Variants in ACP7 observed in about 807,000 individuals in gnomAD.
ACP7 encodes acid phosphatase 7, tartrate resistant (putative), also known as acid phosphatase type 7.
ACP7 carries 58 observed loss-of-function variants against 60.6 expected under a neutral mutation model. The ratio of observed to expected loss-of-function variants is 0.96; its 90% CI spans 0.77 to 1.19. ACP7 has a LOEUF of 1.19. Among genes scored for constraint, ACP7 ranks in the 50% most tolerant of loss-of-function variants. The probability of loss-of-function intolerance (pLI) is 0.00; values close to 1 mark genes in which losing one functional copy is unlikely to be tolerated. For synonymous variants in ACP7, 237 were observed against 232.6 expected, an observed-to-expected ratio of 1.02 and a Z score of -0.17; for missense variants, 574 against 596.2, an observed-to-expected ratio of 0.96 and a Z score of 0.39.
intron 11 of ACP7, among the ~76,000 whole-genome samples, chr19:39,105,204 C>T (rs183126569): frequency 6.0e-5 from 9 of 151,182 alleles, no homozygotes; most frequent in Admixed American, 2.0e-4. Flanking sequence ...TTAGTAGAGA[C>T]GGGGGTTTCA....
rs747137327 is a variant in ACP7, at chr19:39,098,483, T to G, written c.147T>G (p.Thr49=). ...GTGAGCCAGGCTCCATGACTGTAAC[T>G]TGGACCACATGGGTCCCAACCCGCT... is the stretch of plus-strand genomic sequence containing the variant. ...YPGEPGSMTV[T]WTTWVPTRSE... Residue 49 remains threonine (T), a synonymous_variant, in exon 3 of 13, where the codon ACT becomes ACG. Coordinates refer to ENST00000331256, the MANE Select transcript of ACP7 (RefSeq NM_001004318.3). 1 of 1,567,392 alleles carries G rather than the reference T, an allele frequency of 6.4e-7. No individual in the cohort carries two copies. Among genetic ancestry groups the G allele is most frequent in the Non-Finnish European group, 8.7e-7 (1 of 1,154,108 alleles).
intron 4 of ACP7, among the ~76,000 whole-genome samples, chr19:39,099,805 C>T (rs571736062): frequency 1.4e-3 from 216 of 151,616 alleles, no homozygotes; most frequent in African/African-American, 5.0e-3. Flanking sequence ...CCAGCCCAGC[C>T]AACATGGTGA....
At position 39,107,001 on chromosome 19, in the gene ACP7, G is replaced by A. The variant is rs546523874; in HGVS notation, c.1168G>A (p.Val390Met). 3.8e-5 allele frequency: 61 copies of A among 1,613,952 alleles called. 1 individual carries two copies. The highest frequency in any genetic ancestry group is 1.2e-4 in the South Asian group (11 of 91,084). ...TGTCTTCCCGAGGCCCTGGAGTGCCGTGCGTGTGAAGGAGTACGGGTATAC... is the reference window on the plus strand; with the variant it reads ...TGTCTTCCCGAGGCCCTGGAGTGCCATGCGTGTGAAGGAGTACGGGTATAC... ...FAVFPRPWSA[V>M]RVKEYGYTRL... Residue 390 changes from valine to methionine, a missense_variant, in exon 12 of 13, where the codon GTG (valine) becomes ATG (methionine). By Grantham distance (21) the Val-to-Met change is conservative (BLOSUM62 1). Coordinates refer to ENST00000331256, the MANE Select transcript of ACP7 (RefSeq NM_001004318.3).
At chr19:39,104,700 A>G (rs1490220478) in intron 11 of ACP7, among the ~76,000 whole-genome samples, 1 of 152,158 alleles carries the variant, frequency 6.6e-6, no homozygotes, top group Non-Finnish European at 1.5e-5. Context: ...CCTGCCCAAC[A>G]TGGCAAAACC....
intron 10 of ACP7, 33 bp downstream of exon 10, chr19:39,101,388 G>A (rs775602767): frequency 1.2e-6 from 2 of 1,614,072 alleles, no homozygotes; most frequent in Non-Finnish European, 1.7e-6. Flanking sequence ...CGCCCACACA[G>A]CTGGGGTCAG....
chr19:39,098,645 A>T lies in ACP7; in HGVS notation c.309A>T (p.Pro103=). The change falls in exon 3 of 13, where the codon CCA becomes CCT. Residue 103 remains proline, a synonymous_variant. Coordinates refer to ENST00000331256, the MANE Select transcript of ACP7 (RefSeq NM_001004318.3). ...GAGTCACGCTTCGCAAGCTGCTGCC[A>T]GGGGTTCAGTATGGTGAGAGGGGCC... ...IHRVTLRKLL[P]GVQYVYRCGS... The T allele has an allele frequency of 1.2e-6, 2 of 1,611,866 alleles. No homozygotes were observed. The highest frequency in any genetic ancestry group is 1.7e-6 in the Non-Finnish European group (2 of 1,178,874).
At chr19:39,096,512 C>T (rs1472467914) in intron 2 of ACP7, among the ~76,000 whole-genome samples, 1 of 152,214 alleles carries the variant, frequency 6.6e-6, no homozygotes, top group African/African-American at 2.4e-5. Flanking sequence ...CAACAAGTCT[C>T]TAGGAAGTTC....
Position 39,110,211 on chromosome 19 carries a change from G to T in ACP7, c.*93G>T. Reference sequence around the variant, plus strand: ...CAGGCCTGGGTGGGGAGTTGGGTGGGCCCTGACTCCCCTGCCCTCCAGAGG... The same window carrying T: ...CAGGCCTGGGTGGGGAGTTGGGTGGTCCCTGACTCCCCTGCCCTCCAGAGG... On this transcript the variant is annotated 3_prime_UTR_variant, in exon 13 of 13. Transcript: ENST00000331256. The T allele has an allele frequency of 4.1e-6, 5 of 1,219,034 alleles. No individual in the cohort carries two copies. The highest frequency in any genetic ancestry group is 6.0e-6 in the Non-Finnish European group (5 of 838,508). The allele number at this position is 1,219,034 out of a possible 1,614,324, so 75.5% of individuals were successfully genotyped here.
At chr19:39,103,101 G>A (rs979891812) in intron 11 of ACP7, among the ~76,000 whole-genome samples, 15 of 152,112 alleles carry the variant, frequency 9.9e-5, no homozygotes, top group African/African-American at 3.6e-4. Context: ...GCCTCCCAAA[G>A]TGCTGGGATT....
intron 2 of ACP7, among the ~76,000 whole-genome samples, chr19:39,092,771 CTTTTTTTTTT>C (rs67888880): frequency 1.7e-5 from 2 of 114,650 alleles, no homozygotes; most frequent in African/African-American, 6.2e-5. Context: ...TCCCATTCCT[CTTTTTTTTTT>C]TTTTTTTTTT....
intron 11 of ACP7, among the ~76,000 whole-genome samples, chr19:39,102,263 G>C (rs1457358009): frequency 6.6e-6 from 1 of 152,028 alleles, no homozygotes; most frequent in Non-Finnish European, 1.5e-5. Flanking sequence ...AGGCTACAAT[G>C]AGTTATGATC....
chr19:39,099,531 A>AT (rs1279613404), intron 4 of ACP7, among the ~76,000 whole-genome samples: 6 of 151,970 alleles, frequency 3.9e-5, no homozygotes, highest in African/African-American at 1.2e-4. Flanking sequence ...TGCTGTTGTT[A>AT]TTTAAGAGGG....
Position 39,110,099 on chromosome 19 carries a change from G to C in ACP7, c.1298G>C (p.Gly433Ala). Residue 433 changes from glycine (G) to alanine (A), a missense_variant, in exon 13 of 13, where the codon GGC becomes GCC. By Grantham distance (60) the Gly-to-Ala change is moderately conservative (BLOSUM62 0). Coordinates refer to ENST00000331256, the MANE Select transcript of ACP7 (RefSeq NM_001004318.3). ...DDVWVVRPLF[G>A]RRMYL ...GTCTGGGTGGTGAGACCCCTGTTTG[G>C]CCGGAGGATGTACCTCTAGGGATGG... 6.2e-7 allele frequency: 1 copy of C among 1,613,900 alleles called. No individual in the cohort carries two copies. The highest frequency in any genetic ancestry group is 8.5e-7 in the Non-Finnish European group (1 of 1,179,776).
At chr19:39,093,362 C>T (rs1335215388) in intron 2 of ACP7, among the ~76,000 whole-genome samples, 1 of 151,736 alleles carries the variant, frequency 6.6e-6, no homozygotes, top group African/African-American at 2.4e-5. Flanking sequence ...TCAAGTGATT[C>T]TCCTGCCTCA....
At chr19:39,094,092 A>C (rs2073239788) in intron 2 of ACP7, among the ~76,000 whole-genome samples, 1 of 152,176 alleles carries the variant, frequency 6.6e-6, no homozygotes, top group South Asian at 2.1e-4. Context: ...ACCACACGGT[A>C]TTTTTAAAAC....
intron 2 of ACP7, among the ~76,000 whole-genome samples, chr19:39,090,020 T>C (rs1260861360): frequency 6.6e-6 from 1 of 152,182 alleles, no homozygotes; most frequent in East Asian, 1.9e-4. Flanking sequence ...TTCTCCTCAA[T>C]GTTTGCTCAC....
intron 2 of ACP7, among the ~76,000 whole-genome samples, chr19:39,090,181 G>T (rs557745510): frequency 2.0e-5 from 3 of 150,594 alleles, no homozygotes; most frequent in South Asian, 4.2e-4. Context: ...GTTTTGTTTT[G>T]TTTTTGAGAC....
At chr19:39,102,299 A>G (rs919455707) in intron 11 of ACP7, among the ~76,000 whole-genome samples, 1 of 152,104 alleles carries the variant, frequency 6.6e-6, no homozygotes, top group Admixed American at 6.6e-5. Flanking sequence ...AGCCTGGGTG[A>G]CAAAGCAAGA....
At chr19:39,101,587 G>C in intron 11 of ACP7, 50 bp downstream of exon 11, 1 of 1,565,738 alleles carries the variant, frequency 6.4e-7, no homozygotes. Flanking sequence ...TCCTATCTAT[G>C]GAGGGCTAAC....
Sources: gnomAD v4.1 joint callset for allele counts (sites outside exome capture counted in the v4.1 genomes callset) on GRCh38, gnomAD v4.1.1 for gene constraint, MANE v1.5 for transcripts, NCBI Gene and HGNC (gene_info 2026-07-23, HGNC 2026-07-21) for gene names.